GALNT17: variants seen among roughly 807,000 people sequenced by gnomAD.
GALNT17 encodes the protein polypeptide N-acetylgalactosaminyltransferase 17.
In GALNT17, 29 loss-of-function variants were observed where a neutral mutation model predicts 63.7. The observed-to-expected ratio is 0.46, with a 90% CI of 0.34 to 0.62. GALNT17 has a LOEUF of 0.62. Among genes scored for constraint, GALNT17 ranks in the 20% least tolerant of loss-of-function variants. The pLI, the probability that GALNT17 is intolerant of heterozygous loss-of-function variation, is 0.01. For synonymous variants in GALNT17, 305 were observed against 318.3 expected (o/e 0.96, Z 0.45); for missense variants, 603 against 799.6 (o/e 0.75, Z 2.97).
In GALNT17 at chr7:71,694,878, T is replaced by C. The variant is rs192039472; in HGVS notation, c.1501-15883T>C. 2.0e-3 allele frequency among the ~76,000 whole-genome samples: 302 copies of C among 152,318 alleles called. 1 individual carries two copies. Among genetic ancestry groups the C allele is most frequent in the Admixed American group, 3.9e-3 (59 of 15,304 alleles). On this transcript the variant is annotated intron_variant, in intron 9 of 10. Coordinates refer to ENST00000333538, the MANE Select transcript of GALNT17 (RefSeq NM_022479.3). ...GCAAGGTCAGAAATGCTGCTGTAGTTGGCAAGCGAAGAAAGTGAGCTGGTT... is the reference window on the plus strand; with the variant it reads ...GCAAGGTCAGAAATGCTGCTGTAGTCGGCAAGCGAAGAAAGTGAGCTGGTT...
At position 71,147,470 on chromosome 7, in the gene GALNT17, C is replaced by T. The variant is rs768927203; in HGVS notation, c.238+14430C>T. Reference sequence around the variant, plus strand: ...CCCATCCAAATTAAGGGTGGATCTGCCTTCCCCAGCCCACTGACTCGAATG... The same window carrying T: ...CCCATCCAAATTAAGGGTGGATCTGTCTTCCCCAGCCCACTGACTCGAATG... On this transcript the variant is annotated intron_variant, in intron 1 of 10. Coordinates refer to ENST00000333538, the MANE Select transcript of GALNT17 (RefSeq NM_022479.3). 1.1e-4 allele frequency among the ~76,000 whole-genome samples: 16 copies of T among 152,228 alleles called. 2 individuals are homozygous for T. Among genetic ancestry groups the T allele is most frequent in the Admixed American group, 9.8e-4 (15 of 15,276 alleles).
chr7:71,423,548 T>C (rs1172455336), intron 5 of GALNT17, among the ~76,000 whole-genome samples: 3 of 152,124 alleles, frequency 2.0e-5, no homozygotes, highest in Non-Finnish European at 4.4e-5. Context: ...GATGGAATAA[T>C]GAAGTAGGGA....
chr7:71,569,159 A>G (rs1057478406), intron 5 of GALNT17, among the ~76,000 whole-genome samples: 4 of 152,100 alleles, frequency 2.6e-5, no homozygotes, highest in African/African-American at 9.7e-5. Context: ...TTTAGTAGAG[A>G]CGGGGTTTCA....
At chr7:71,628,148 G>A (rs1790402456) in intron 6 of GALNT17, among the ~76,000 whole-genome samples, 1 of 151,800 alleles carries the variant, frequency 6.6e-6, no homozygotes, top group Admixed American at 6.6e-5. Flanking sequence ...GTGGAGTGAA[G>A]GACCAGATCT....
At chr7:71,365,089 T>C (rs1216735332) in intron 2 of GALNT17, among the ~76,000 whole-genome samples, 1 of 151,716 alleles carries the variant, frequency 6.6e-6, no homozygotes, top group East Asian at 1.9e-4. Flanking sequence ...TGCAACACCA[T>C]GCCTGGCTAA....
At chr7:71,544,203 C>A (rs1788942517) in intron 5 of GALNT17, among the ~76,000 whole-genome samples, 1 of 150,352 alleles carries the variant, frequency 6.7e-6, no homozygotes, top group South Asian at 2.1e-4. Context: ...GCAATCTCAG[C>A]TCACTGCAAG....
intron 1 of GALNT17, among the ~76,000 whole-genome samples, chr7:71,138,666 A>G (rs1389444017): frequency 1.3e-5 from 2 of 152,200 alleles, no homozygotes; most frequent in Non-Finnish European, 2.9e-5. Flanking sequence ...TAGGCTTTGT[A>G]CAAGCATTAG....
chr7:71,415,219 A>G (rs933589547), intron 3 of GALNT17, among the ~76,000 whole-genome samples: 1 of 152,168 alleles, frequency 6.6e-6, no homozygotes. Context: ...GTTGTGTTTC[A>G]GCTCTCCCGT....
chr7:71,241,954 G>T (rs1443240559), intron 1 of GALNT17, among the ~76,000 whole-genome samples: 1 of 152,130 alleles, frequency 6.6e-6, no homozygotes, highest in Non-Finnish European at 1.5e-5. Context: ...TCATGGTTCT[G>T]CAGATTGTAC....
At chr7:71,278,840 C>T (rs1336914688) in intron 1 of GALNT17, among the ~76,000 whole-genome samples, 13 of 152,112 alleles carry the variant, frequency 8.5e-5, no homozygotes, top group Admixed American at 8.5e-4. Flanking sequence ...GTGGGAACTA[C>T]AAGTTGAGAT....
intron 6 of GALNT17, among the ~76,000 whole-genome samples, chr7:71,620,209 T>C (rs1430398658): frequency 2.0e-5 from 3 of 152,188 alleles, no homozygotes; most frequent in African/African-American, 7.2e-5. Context: ...TGTTGAGGAC[T>C]TTTGCGTCTG....
At chr7:71,377,889 T>C (rs1792774868) in intron 2 of GALNT17, among the ~76,000 whole-genome samples, 2 of 152,226 alleles carry the variant, frequency 1.3e-5, no homozygotes. Context: ...CTTTCTGCTA[T>C]GATTGTAAGT....
Position 71,571,302 on chromosome 7 carries a change from G to T in GALNT17, c.980G>T (p.Gly327Val). The change falls in exon 6 of 11, where the codon GGC becomes GTC. Residue 327 changes from glycine to valine, a missense_variant. Gly to Val is a moderately radical substitution (Grantham distance 109). This residue lies in a region of GALNT17 where 336 missense variants were observed against 507.8 expected (regional missense o/e 0.66). Transcript: ENST00000333538. ...SLPIRTPAMI[G>V]CSFVVNRKFF... ...TCCCTCAGGACCCCAGCCATGATAG[G>T]CTGCTCGTTCGTGGTCAACAGGAAG... The T allele has an allele frequency of 6.2e-7, 1 of 1,614,032 alleles. No individual in the cohort carries two copies. The highest frequency in any genetic ancestry group is 8.5e-7 in the Non-Finnish European group (1 of 1,179,922).
chr7:71,369,133 T>G (rs906680621), intron 2 of GALNT17, among the ~76,000 whole-genome samples: 2 of 152,234 alleles, frequency 1.3e-5, no homozygotes, highest in African/African-American at 4.8e-5. Flanking sequence ...AACTCTGTGC[T>G]CTGCACAACC....
intron 1 of GALNT17, among the ~76,000 whole-genome samples, chr7:71,307,947 A>G (rs541455394): frequency 6.6e-6 from 1 of 151,620 alleles, no homozygotes; most frequent in African/African-American, 2.4e-5. Flanking sequence ...CCACACTGAG[A>G]CCTTTGGGAG....
chr7:71,549,819 G>A (rs1347616770), intron 5 of GALNT17, among the ~76,000 whole-genome samples: 1 of 151,970 alleles, frequency 6.6e-6, no homozygotes, highest in Non-Finnish European at 1.5e-5. Context: ...TGGGAATGCA[G>A]AAGAGGAGGA....
chr7:71,643,637 G>A (rs942128075), intron 6 of GALNT17, among the ~76,000 whole-genome samples: 1 of 152,222 alleles, frequency 6.6e-6, no homozygotes, highest in South Asian at 2.1e-4. Context: ...TGAATGGGCA[G>A]TGTCCACACA....
At chr7:71,301,852 C>T (rs909730371) in intron 1 of GALNT17, among the ~76,000 whole-genome samples, 1 of 152,112 alleles carries the variant, frequency 6.6e-6, no homozygotes, top group African/African-American at 2.4e-5. Context: ...TTGAATGAAC[C>T]CTTTATAGGC....
intron 6 of GALNT17, among the ~76,000 whole-genome samples, chr7:71,573,789 A>G (rs1250008642): frequency 6.6e-6 from 1 of 152,168 alleles, no homozygotes; most frequent in Admixed American, 6.6e-5. Flanking sequence ...GGTAGTAAGC[A>G]TAGTACCTGA....
Sources: allele counts gnomAD v4.1 joint callset (sites outside exome capture counted in the v4.1 genomes callset), GRCh38; gene constraint gnomAD v4.1.1; regional missense constraint gnomAD v4.1.1; transcripts MANE v1.5; gene names NCBI Gene and HGNC (gene_info 2026-07-23, HGNC 2026-07-21).